LSG1: variants seen among roughly 807,000 people sequenced by gnomAD.
LSG1 encodes large subunit GTPase 1 homolog.
Under a neutral mutation model 82.6 loss-of-function variants are expected in LSG1, and 55 were observed. That is an observed-to-expected ratio of 0.67 (90% CI 0.54 to 0.83). The LOEUF is 0.83. Ranked by LOEUF, LSG1 falls within the 40% of genes least tolerant of loss-of-function variation. LSG1 has a pLI of 0.00. For missense variants in LSG1, 809 were observed against 807.9 expected (o/e 1.00, Z -0.02); for synonymous variants, 272 against 282.5 (o/e 0.96, Z 0.37).
intron 10 of LSG1, among the ~76,000 whole-genome samples, chr3:194,650,375 C>G (rs966924165): frequency 6.6e-6 from 1 of 152,222 alleles, no homozygotes; most frequent in Non-Finnish European, 1.5e-5. Context: ...AATTATTTAA[C>G]TTCTCTGTGC....
Position 194,641,167 on chromosome 3 carries a change from C to G in LSG1, c.*901G>C, listed in dbSNP as rs148929244. 1.3e-5 allele frequency: 2 copies of G among 152,192 alleles called. No homozygotes were observed. Among genetic ancestry groups the G allele is most frequent in the African/African-American group, 4.8e-5 (2 of 41,444 alleles). The allele number at this position is 152,192 out of a possible 1,614,324, so 9.4% of individuals were successfully genotyped here. A position where few individuals can be genotyped will look rare whatever the true frequency, so the allele number is the denominator to read the frequency against. On this transcript the variant is annotated 3_prime_UTR_variant, in exon 14 of 14. Transcript: ENST00000265245. ...TCATGCTTTTGATTATCTTTTGTAA[C>G]TATGTTATTGAACTATAATTTACAT...
rs1352077729 is a variant in LSG1 at position 194,666,182 on chromosome 3, CAT to C, written c.434+19_434+20del. ...AACTCAGGATTTCAAAGTAAGTCTT[CAT>C]AGAGTCTATAATACTCACCGGACAA... is the stretch of plus-strand genomic sequence containing the variant. On this transcript the variant is annotated intron_variant, in intron 4 of 13. Coordinates refer to ENST00000265245, the MANE Select transcript of LSG1 (RefSeq NM_018385.3). The C allele has an allele frequency of 5.0e-6, 8 of 1,598,250 alleles. No individual in the cohort carries two copies. In the African/African-American group the frequency reaches 8.0e-5, roughly 16 times the overall value.
chr3:194,646,376 A>G (rs761578693), intron 11 of LSG1, 133 bp from the exon 12 acceptor site: 12 of 632,766 alleles, frequency 1.9e-5, no homozygotes, highest in Non-Finnish European at 3.1e-5. Flanking sequence ...ATTGTAGAAT[A>G]TATATTGTTT....
At chr3:194,664,915 C>T (rs908867943) in intron 5 of LSG1, among the ~76,000 whole-genome samples, 19 of 150,698 alleles carry the variant, frequency 1.3e-4, no homozygotes, top group African/African-American at 4.4e-4. Context: ...AGCAAAACTC[C>T]GTCTCAAATA....
chr3:194,652,582 C>G, intron 8 of LSG1, 147 bp downstream of exon 8: 2 of 827,922 alleles, frequency 2.4e-6, no homozygotes, highest in Non-Finnish European at 3.8e-6. Flanking sequence ...ATCCCACTGC[C>G]TAATCCCGTG....
At chr3:194,662,760 C>T (rs1347942928) in intron 5 of LSG1, among the ~76,000 whole-genome samples, 1 of 152,144 alleles carries the variant, frequency 6.6e-6, no homozygotes, top group Non-Finnish European at 1.5e-5. Flanking sequence ...GAAAGTCCGT[C>T]TCAAAAAACA....
chr3:194,664,842 C>A (rs992353142), intron 5 of LSG1, among the ~76,000 whole-genome samples: 2 of 152,116 alleles, frequency 1.3e-5, no homozygotes, highest in Non-Finnish European at 2.9e-5. Context: ...ACTGCTTGAA[C>A]CCAGGAGGCG....
intron 4 of LSG1, among the ~76,000 whole-genome samples, 187 bp downstream of exon 4, chr3:194,666,016 C>T (rs1031488773): frequency 3.9e-5 from 6 of 152,224 alleles, no homozygotes; most frequent in Non-Finnish European, 8.8e-5. Flanking sequence ...CTCACGATCT[C>T]TGTGCAAGGA....
At chr3:194,655,219 G>A (rs1215503430) in intron 7 of LSG1, among the ~76,000 whole-genome samples, 1 of 152,112 alleles carries the variant, frequency 6.6e-6, no homozygotes, top group Admixed American at 6.6e-5. Flanking sequence ...GACCTGGTGA[G>A]CCCTAAAAAT....
chr3:194,646,388 G>A (rs961462715), intron 11 of LSG1, 145 bp from the exon 12 acceptor site: 1 of 578,404 alleles, frequency 1.7e-6, no homozygotes, highest in African/African-American at 1.9e-5. Flanking sequence ...ATATTGTTTA[G>A]CATTAAAAAC....
At chr3:194,669,783 T>C (rs922357847) in intron 2 of LSG1, among the ~76,000 whole-genome samples, 1 of 152,014 alleles carries the variant, frequency 6.6e-6, no homozygotes, top group Admixed American at 6.6e-5. Flanking sequence ...AATACAAAAA[T>C]TAGCCAGGCG....
chr3:194,646,719 C>T (rs192386886), intron 11 of LSG1, among the ~76,000 whole-genome samples: 234 of 152,284 alleles, frequency 1.5e-3, no homozygotes, highest in African/African-American at 5.4e-3. Flanking sequence ...TGGGGTTTCA[C>T]CACGTTGTTC....
chr3:194,645,575 G>GACACACACACACACACACACAC (rs57272537), intron 12 of LSG1, among the ~76,000 whole-genome samples: 2 of 20,136 alleles, frequency 9.9e-5, no homozygotes, highest in Non-Finnish European at 1.3e-4. Flanking sequence ...CACACAGACA[G>GACACACACACACACACACACAC]ACACACACAC....
chr3:194,657,057 G>A lies in LSG1; in HGVS notation c.759+1900C>T, dbSNP rs140935922. Among the ~76,000 whole-genome samples the A allele has an allele frequency of 6.3e-3, 964 of 152,056 alleles. 14 individuals are homozygous for A. Among genetic ancestry groups the A allele is most frequent in the African/African-American group, 0.021 (872 of 41,424 alleles). On this transcript the variant is annotated intron_variant, in intron 7 of 13. Coordinates refer to ENST00000265245, the MANE Select transcript of LSG1 (RefSeq NM_018385.3). ...AGATATACCTAATGCTAAATGACAA[G>A]TTAATGGGTGCAGCACACCAACATG...
chr3:194,668,478 G>C (rs1719077615), intron 2 of LSG1, among the ~76,000 whole-genome samples: 1 of 152,170 alleles, frequency 6.6e-6, no homozygotes, highest in African/African-American at 2.4e-5. Context: ...AGTGGGTGAA[G>C]TGGTTATTTC....
chr3:194,641,917 T>A lies in LSG1; in HGVS notation c.*151A>T. On this transcript the variant is annotated 3_prime_UTR_variant, in exon 14 of 14. Transcript: ENST00000265245. ...TGGTGTTTCCAGGAGGCCCTTGGTCTTGACATGGAGACTGTTGGGTGCAGC... is the reference window on the plus strand; with the variant it reads ...TGGTGTTTCCAGGAGGCCCTTGGTCATGACATGGAGACTGTTGGGTGCAGC... 1 of 753,190 alleles carries A rather than the reference T, an allele frequency of 1.3e-6. No individual in the cohort carries two copies. The highest frequency in any genetic ancestry group is 2.5e-5 in the South Asian group (1 of 39,784). The allele number at this position is 753,190 out of a possible 1,614,324, so 46.7% of individuals were successfully genotyped here.
At chr3:194,655,189 A>C (rs993508392) in intron 7 of LSG1, among the ~76,000 whole-genome samples, 4 of 152,226 alleles carry the variant, frequency 2.6e-5, no homozygotes, top group African/African-American at 9.6e-5. Context: ...AGACACTGAC[A>C]TTAAAACAAT....
At chr3:194,645,507 C>CACACACACACACACACACACAGACAG (rs1718504329) in intron 12 of LSG1, 1 of 45,418 alleles carries the variant, frequency 2.2e-5, no homozygotes. Context: ...CACACACACA[C>CACACACACACACACACACACAGACAG]ACACACACAC....
Position 194,663,228 on chromosome 3 carries a change from G to T in LSG1, c.521+2329C>A, listed in dbSNP as rs1718971194. Among the ~76,000 whole-genome samples, 4 of 152,288 alleles carry T rather than the reference G, an allele frequency of 2.6e-5. No homozygotes were observed. In the South Asian group the frequency reaches 8.3e-4, roughly 32 times the overall value. On this transcript the variant is annotated intron_variant, in intron 5 of 13. Coordinates refer to ENST00000265245, the MANE Select transcript of LSG1 (RefSeq NM_018385.3). ...GTACACAGCATCAACTACCAAGGAGGCACCAACGAAGAGGCTACTCTGCTC... is the reference window on the plus strand; with the variant it reads ...GTACACAGCATCAACTACCAAGGAGTCACCAACGAAGAGGCTACTCTGCTC...
Sources: allele counts gnomAD v4.1 joint callset (sites outside exome capture counted in the v4.1 genomes callset), GRCh38; gene constraint gnomAD v4.1.1; transcripts MANE v1.5; gene names NCBI Gene and HGNC (gene_info 2026-07-23, HGNC 2026-07-21).